RALGAPA2: variants seen among roughly 807,000 people sequenced by gnomAD.
RALGAPA2 encodes the protein ral GTPase-activating protein subunit alpha-2.
Under a neutral mutation model 230.4 loss-of-function variants are expected in RALGAPA2, and 139 were observed. The observed-to-expected ratio is 0.60, with a 90% CI of 0.53 to 0.69. RALGAPA2 has a LOEUF of 0.69. Among genes scored for constraint, RALGAPA2 ranks in the 30% least tolerant of loss-of-function variants. The pLI is 0.00. For missense variants in RALGAPA2, 2,163 were observed against 2,276.0 expected, an observed-to-expected ratio of 0.95 and a Z score of 1.01; for synonymous variants, 847 against 837.8, an observed-to-expected ratio of 1.01 and a Z score of -0.19.
chr20:20,430,921 C>T (rs140243954), intron 37 of RALGAPA2, among the ~76,000 whole-genome samples: 27 of 152,060 alleles, frequency 1.8e-4, no homozygotes, highest in African/African-American at 5.8e-4. Context: ...GACATAAAGA[C>T]GTTAACTCAT....
At chr20:20,473,337 G>GAGACCA (rs2061579945) in intron 36 of RALGAPA2, among the ~76,000 whole-genome samples, 1 of 152,156 alleles carries the variant, frequency 6.6e-6, no homozygotes, top group African/African-American at 2.4e-5. Flanking sequence ...TTATGGAACT[G>GAGACCA]GTAATGTTCC....
chr20:20,711,536 G>A (rs1327001394), intron 1 of RALGAPA2, among the ~76,000 whole-genome samples: 2 of 152,136 alleles, frequency 1.3e-5, no homozygotes, highest in African/African-American at 4.8e-5. Context: ...CATGCAGCAG[G>A]TGACAGGAAG....
At chr20:20,414,141 C>T (rs892173488) in intron 37 of RALGAPA2, among the ~76,000 whole-genome samples, 3 of 152,338 alleles carry the variant, frequency 2.0e-5, no homozygotes, top group African/African-American at 7.2e-5. Flanking sequence ...CGAGGCGTGA[C>T]AAATTACTCA....
chr20:20,673,053 CG>C, intron 3 of RALGAPA2, among the ~76,000 whole-genome samples: 1 of 151,714 alleles, frequency 6.6e-6, no homozygotes, highest in Non-Finnish European at 1.5e-5. Context: ...GGTGTGGTGG[CG>C]GGCACCTGTA....
intron 3 of RALGAPA2, among the ~76,000 whole-genome samples, chr20:20,669,778 A>G (rs901898213): frequency 1.3e-5 from 2 of 152,036 alleles, no homozygotes; most frequent in African/African-American, 4.8e-5. Context: ...CATAATTAAA[A>G]CTTCTTCCTT....
chr20:20,496,336 C>T (rs965830258), intron 35 of RALGAPA2, among the ~76,000 whole-genome samples: 4 of 152,108 alleles, frequency 2.6e-5, no homozygotes, highest in Non-Finnish European at 5.9e-5. Context: ...CGTACCATCT[C>T]AAGCTGGAGA....
intron 25 of RALGAPA2, 139 bp from the exon 26 acceptor site, chr20:20,535,942 G>C (rs1194630141): frequency 3.7e-6 from 5 of 1,338,452 alleles, no homozygotes; most frequent in African/African-American, 3.0e-5. Context: ...GTGAGAGCCT[G>C]GGGGGAAGAA....
intron 37 of RALGAPA2, among the ~76,000 whole-genome samples, chr20:20,412,575 A>T (rs2068259): frequency 6.6e-6 from 1 of 152,050 alleles, no homozygotes; most frequent in East Asian, 1.9e-4. Flanking sequence ...GTGATACGAC[A>T]GTGCAGACGC....
At chr20:20,521,218 G>T in intron 30 of RALGAPA2, 118 bp from the exon 31 acceptor site, 1 of 760,536 alleles carries the variant, frequency 1.3e-6, no homozygotes, top group East Asian at 2.7e-5. Flanking sequence ...AGCTGGAAAT[G>T]GAATGACCAC....
chr20:20,568,875 T>C (rs746320182), intron 23 of RALGAPA2, among the ~76,000 whole-genome samples: 1 of 152,240 alleles, frequency 6.6e-6, no homozygotes, highest in South Asian at 2.1e-4. Flanking sequence ...CAATTATTTA[T>C]GATTATTTAT....
intron 1 of RALGAPA2, among the ~76,000 whole-genome samples, chr20:20,694,672 A>G (rs2069041781): frequency 6.6e-6 from 1 of 152,194 alleles, no homozygotes; most frequent in African/African-American, 2.4e-5. Context: ...GTAATTCTTC[A>G]CTTACTGATG....
intron 23 of RALGAPA2, among the ~76,000 whole-genome samples, chr20:20,568,954 T>C (rs969003679): frequency 6.6e-6 from 1 of 152,230 alleles, no homozygotes; most frequent in Non-Finnish European, 1.5e-5. Context: ...CTAGGATACA[T>C]AAAAGTGTGG....
intron 1 of RALGAPA2, among the ~76,000 whole-genome samples, chr20:20,705,891 A>T (rs1056837841): frequency 1.3e-5 from 2 of 151,720 alleles, no homozygotes; most frequent in African/African-American, 2.4e-5. Context: ...CTGGCCTTCA[A>T]CTCCTGACCT....
chr20:20,422,336 C>A (rs1437956816), intron 37 of RALGAPA2, among the ~76,000 whole-genome samples: 1 of 152,140 alleles, frequency 6.6e-6, no homozygotes, highest in African/African-American at 2.4e-5. Flanking sequence ...CAATGGCTCA[C>A]CCCTGTAATC....
At chr20:20,441,672 A>G (rs2060743714) in intron 37 of RALGAPA2, among the ~76,000 whole-genome samples, 2 of 152,256 alleles carry the variant, frequency 1.3e-5, no homozygotes, top group South Asian at 4.1e-4. Context: ...AGAGCTGTAG[A>G]GTTGACATGT....
chr20:20,413,602 C>T (rs537487352), intron 37 of RALGAPA2, among the ~76,000 whole-genome samples: 1 of 152,318 alleles, frequency 6.6e-6, no homozygotes, highest in African/African-American at 2.4e-5. Flanking sequence ...TCAATAGCCG[C>T]ACGTGGCTAG....
intron 36 of RALGAPA2, among the ~76,000 whole-genome samples, chr20:20,487,318 T>A (rs1435346711): frequency 3.9e-5 from 6 of 152,246 alleles, no homozygotes; most frequent in African/African-American, 1.4e-4. Context: ...TAGGCTTTTT[T>A]ACATAACTTT....
intron 20 of RALGAPA2, among the ~76,000 whole-genome samples, chr20:20,581,308 A>C (rs2064976536): frequency 6.6e-6 from 1 of 152,200 alleles, no homozygotes. Flanking sequence ...AAACTAGTCC[A>C]TGTTTAAGTA....
rs1229958434 is a variant in RALGAPA2, at chr20:20,591,295, C to T, written c.2223G>A (p.Gln741=). 1.9e-6 allele frequency: 3 copies of T among 1,613,902 alleles called. No homozygotes were observed. In the South Asian group the frequency reaches 3.3e-5, roughly 18 times the overall value. The change falls in exon 17 of 40, where the codon CAG becomes CAA. Residue 741 remains glutamine, a synonymous_variant. Coordinates refer to ENST00000202677, the MANE Select transcript of RALGAPA2 (RefSeq NM_020343.4). ...QKATEVEECQ[Q]SENAPAAGSG... ...ATCCGGCTGCAGGTGCATTTTCTGA[C>T]TGTTGACACTCCTCCACTTCTGTGA...
Sources: gnomAD v4.1 joint callset for allele counts (sites outside exome capture counted in the v4.1 genomes callset) on GRCh38, gnomAD v4.1.1 for gene constraint, MANE v1.5 for transcripts, NCBI Gene and HGNC (gene_info 2026-07-23, HGNC 2026-07-21) for gene names.